Variants in MGST1 observed in about 807,000 individuals in gnomAD.
The protein encoded by MGST1 is glutathione S-transferase 12.
Under a neutral mutation model 8.9 loss-of-function variants are expected in MGST1, and 5 were observed. That is an observed-to-expected ratio of 0.56 (90% CI 0.29 to 1.19). The LOEUF is 1.19. Ranked by LOEUF, MGST1 falls within the 50% of genes most tolerant of loss-of-function variation. The pLI, the probability that MGST1 is intolerant of heterozygous loss-of-function variation, is 0.08. For missense variants in MGST1, 182 were observed against 187.4 expected, an observed-to-expected ratio of 0.97 and a Z score of 0.17; for synonymous variants, 54 against 67.8, an observed-to-expected ratio of 0.80 and a Z score of 1.00.
chr12:16,414,951 G>T (rs1239165761), intron 1 of MGST1, among the ~76,000 whole-genome samples: 2 of 152,062 alleles, frequency 1.3e-5, no homozygotes, highest in Non-Finnish European at 2.9e-5. Context: ...TTGAACCTAG[G>T]AGGCGGAGGT....
chr12:16,397,813 T>A (rs1410613388), intron 1 of MGST1, among the ~76,000 whole-genome samples: 1 of 149,674 alleles, frequency 6.7e-6, no homozygotes, highest in Non-Finnish European at 1.5e-5. Context: ...TATATTTAAG[T>A]GTCAAGTAAA....
intron 4 of MGST1, among the ~76,000 whole-genome samples, chr12:16,466,366 T>C (rs1941255303): frequency 6.6e-6 from 1 of 152,214 alleles, no homozygotes; most frequent in African/African-American, 2.4e-5. Context: ...AGGTCAAGGC[T>C]ACTAATTCTG....
intron 1 of MGST1, among the ~76,000 whole-genome samples, chr12:16,403,034 T>C (rs1038785553): frequency 6.6e-6 from 1 of 151,732 alleles, no homozygotes; most frequent in African/African-American, 2.4e-5. Flanking sequence ...ATCATTTTTA[T>C]CCTTTAAACT....
At chr12:16,552,631 A>C (rs566080169) in intron 4 of MGST1, among the ~76,000 whole-genome samples, 1 of 152,184 alleles carries the variant, frequency 6.6e-6, no homozygotes, top group African/African-American at 2.4e-5. Flanking sequence ...CTTTCCTCTT[A>C]AAGGAAAATT....
At position 16,500,333 on chromosome 12, in the gene MGST1, A is replaced by G. The variant is rs1941497756; in HGVS notation, n.483-89195A>G. Among the ~76,000 whole-genome samples, 1 of 152,228 alleles carries G rather than the reference A, an allele frequency of 6.6e-6. No individual in the cohort carries two copies. The highest frequency in any genetic ancestry group is 1.5e-5 in the Non-Finnish European group (1 of 68,036). On this transcript the variant is annotated intron_variant and non_coding_transcript_variant, in intron 4 of 4. Transcript: ENST00000538857. This position sits in a 1 kb window ranked among gnomAD's most constrained non-coding sequence, Gnocchi z 4.3. ...TTGGCTGAGATGCCTGACAGACAAC[A>G]AATAAACTGGAAAAAGAGAGGTTCT...
chr12:16,429,899 C>G (rs1940923802), intron 1 of MGST1, among the ~76,000 whole-genome samples: 1 of 152,086 alleles, frequency 6.6e-6, no homozygotes, highest in Non-Finnish European at 1.5e-5. Context: ...TCAATGGACT[C>G]TTCCTTTTAT....
intron 4 of MGST1, among the ~76,000 whole-genome samples, chr12:16,561,783 C>CA (rs1942415256): frequency 6.6e-6 from 1 of 152,150 alleles, no homozygotes; most frequent in Non-Finnish European, 1.5e-5. Context: ...AAGTGTCTGG[C>CA]AAAATGTGCA....
chr12:16,570,743 T>C (rs1942787178), intron 4 of MGST1, among the ~76,000 whole-genome samples: 1 of 152,202 alleles, frequency 6.6e-6, no homozygotes, highest in Non-Finnish European at 1.5e-5. Context: ...ATATCTTTTA[T>C]ATCCAGAGAT....
chr12:16,588,316 T>G (rs1591816447), intron 4 of MGST1, among the ~76,000 whole-genome samples: 1 of 152,084 alleles, frequency 6.6e-6, no homozygotes, highest in Non-Finnish European at 1.5e-5. Flanking sequence ...ATCAAATTGT[T>G]TAAAGAACAC....
chr12:16,532,379 G>T (rs1161258855), intron 4 of MGST1, among the ~76,000 whole-genome samples: 2 of 152,236 alleles, frequency 1.3e-5, no homozygotes, highest in Admixed American at 1.3e-4. Flanking sequence ...TAAAATGGTT[G>T]CTGGGAGTTA....
At chr12:16,399,057 A>C (rs1940629872) in intron 1 of MGST1, among the ~76,000 whole-genome samples, 3 of 151,744 alleles carry the variant, frequency 2.0e-5, no homozygotes, top group Admixed American at 6.6e-5. Flanking sequence ...CCTCAAGAAC[A>C]CCTCCTCCCT....
chr12:16,381,250 T>A (rs1015759184), downstream of MGST1, among the ~76,000 whole-genome samples: 2 of 152,216 alleles, frequency 1.3e-5, no homozygotes, highest in Admixed American at 1.3e-4. Flanking sequence ...GTCTTTACAA[T>A]TTGGCATGTT....
chr12:16,412,647 T>G (rs886843757), intron 1 of MGST1, among the ~76,000 whole-genome samples: 1 of 152,140 alleles, frequency 6.6e-6, no homozygotes, highest in Non-Finnish European at 1.5e-5. Context: ...TTCCATGCTG[T>G]TCTCATGGTA....
rs983162907 is a variant in MGST1 at position 16,500,118 on chromosome 12, T to C, written n.483-89410T>C. On this transcript the variant is annotated intron_variant and non_coding_transcript_variant, in intron 4 of 4. Transcript: ENST00000538857. The surrounding 1 kb of genome is among the most constrained non-coding windows in gnomAD (Gnocchi z 4.3). ...ACAATTAATTATTTCTTAAAGATTA[T>C]ACTGTTGCCAGAGAAGTTTTCTTTT... Among the ~76,000 whole-genome samples the C allele has an allele frequency of 1.3e-4, 20 of 152,212 alleles. No individual in the cohort carries two copies. The highest frequency in any genetic ancestry group is 4.8e-4 in the African/African-American group (20 of 41,460).
chr12:16,442,916 C>T (rs1941050248), downstream of MGST1, among the ~76,000 whole-genome samples: 1 of 151,698 alleles, frequency 6.6e-6, no homozygotes. The surrounding 1 kb of genome is among the most constrained non-coding windows in gnomAD (Gnocchi z 4.5). Flanking sequence ...CTTTTATATA[C>T]TTACTGATTT....
chr12:16,395,101 A>G (rs1371981031), intron 1 of MGST1, among the ~76,000 whole-genome samples: 1 of 151,944 alleles, frequency 6.6e-6, no homozygotes, highest in African/African-American at 2.4e-5. Context: ...AATAAATTTT[A>G]TAATACTCCT....
chr12:16,554,458 T>C (rs1942109923), intron 4 of MGST1, among the ~76,000 whole-genome samples: 2 of 152,150 alleles, frequency 1.3e-5, no homozygotes, highest in Admixed American at 1.3e-4. Flanking sequence ...CTATACTGTT[T>C]TCAATAAGAA....
At chr12:16,380,754 C>G (rs1419306488), downstream of MGST1, among the ~76,000 whole-genome samples, 1 of 152,052 alleles carries the variant, frequency 6.6e-6, no homozygotes, top group African/African-American at 2.4e-5. Context: ...GTTAAAGTCT[C>G]CCATTATTAT....
intron 4 of MGST1, among the ~76,000 whole-genome samples, chr12:16,463,435 TG>T (rs34719445): frequency 3.4e-5 from 2 of 58,756 alleles, no homozygotes; most frequent in Admixed American, 4.4e-4. Flanking sequence ...GTATATGCTC[TG>T]GGGGTGGGGG....
Sources: gnomAD v4.1 joint callset for allele counts (sites outside exome capture counted in the v4.1 genomes callset) on GRCh38, gnomAD v4.1.1 for gene constraint, Gnocchi (gnomAD v3.1) non-coding constraint, MANE v1.5 for transcripts, NCBI Gene and HGNC (gene_info 2026-07-23, HGNC 2026-07-21) for gene names.